Variants in F13A1 observed in about 807,000 individuals in gnomAD.
F13A1 encodes the protein FSF, A subunit.
F13A1 carries 47 observed loss-of-function variants against 80.1 expected under a neutral mutation model. The observed-to-expected ratio is 0.59, with a 90% confidence interval of 0.46 to 0.75. The LOEUF (loss-of-function observed/expected upper bound fraction) is 0.75. F13A1 is among the 30% of genes least tolerant of loss of function. The pLI, the probability that F13A1 is intolerant of heterozygous loss-of-function variation, is 0.00. For synonymous variants in F13A1, 349 were observed against 344.9 expected (o/e 1.01, Z -0.13); for missense variants, 817 against 930.4 (o/e 0.88, Z 1.59).
intron 10 of F13A1, among the ~76,000 whole-genome samples, chr6:6,186,769 T>A (rs1761087623): frequency 6.6e-6 from 1 of 151,988 alleles, no homozygotes; most frequent in African/African-American, 2.4e-5. Context: ...AGAAAGTCAC[T>A]GGTAGCTTGA....
chr6:6,282,807 T>G (rs1366388213), intron 3 of F13A1, among the ~76,000 whole-genome samples: 1 of 152,190 alleles, frequency 6.6e-6, no homozygotes, highest in Non-Finnish European at 1.5e-5. Context: ...CCCTTTGTCC[T>G]CATCTCAGGA....
chr6:6,314,478 A>G (rs912725142), intron 2 of F13A1, among the ~76,000 whole-genome samples: 2 of 151,908 alleles, frequency 1.3e-5, no homozygotes, highest in African/African-American at 4.8e-5. Context: ...TGTTCCCTCT[A>G]CTGCAAACAC....
chr6:6,285,426 G>T (rs1758124066), intron 3 of F13A1, among the ~76,000 whole-genome samples: 1 of 152,250 alleles, frequency 6.6e-6, no homozygotes, highest in African/African-American at 2.4e-5. Context: ...GGAAGTTGAA[G>T]AAGCCAAAGC....
chr6:6,147,507 T>C (rs1469107506), intron 14 of F13A1, among the ~76,000 whole-genome samples: 3 of 152,200 alleles, frequency 2.0e-5, no homozygotes, highest in South Asian at 4.1e-4. Flanking sequence ...CAGTGCTCAA[T>C]TCAATACCAA....
At chr6:6,293,601 A>G (rs561881635) in intron 3 of F13A1, among the ~76,000 whole-genome samples, 1 of 152,122 alleles carries the variant, frequency 6.6e-6, no homozygotes, top group African/African-American at 2.4e-5. Context: ...CCTGCAGCAC[A>G]GCTCATCAAG....
chr6:6,263,055 G>T (rs1216379411), intron 4 of F13A1, among the ~76,000 whole-genome samples: 2 of 152,198 alleles, frequency 1.3e-5, no homozygotes, highest in African/African-American at 2.4e-5. Context: ...CCAAGGCTGT[G>T]AACCACCGTC....
At chr6:6,211,850 G>C (rs1019966354) in intron 8 of F13A1, among the ~76,000 whole-genome samples, 4 of 152,228 alleles carry the variant, frequency 2.6e-5, no homozygotes, top group Non-Finnish European at 4.4e-5. Flanking sequence ...GCAGGGTGAG[G>C]CATTGCCTCA....
At chr6:6,242,063 T>C (rs1757490341) in intron 6 of F13A1, among the ~76,000 whole-genome samples, 1 of 151,900 alleles carries the variant, frequency 6.6e-6, no homozygotes, top group Non-Finnish European at 1.5e-5. Context: ...GAAAAAAATC[T>C]TTCTAAATAC....
At chr6:6,150,756 T>C (rs13194966) in intron 14 of F13A1, among the ~76,000 whole-genome samples, 32,369 of 152,096 alleles carry the variant, frequency 0.21, 3,555 homozygotes, top group Middle Eastern at 0.28. Flanking sequence ...AAGGACTTAT[T>C]TGTGGTAGAA....
At chr6:6,273,928 A>G (rs3851513) in intron 3 of F13A1, among the ~76,000 whole-genome samples, 27,927 of 152,230 alleles carry the variant, frequency 0.18, 2,609 homozygotes, top group Admixed American at 0.21. Flanking sequence ...TCAAAAAGGC[A>G]CAGAAATCAT....
intron 8 of F13A1, among the ~76,000 whole-genome samples, chr6:6,201,987 T>C (rs1378827229): frequency 6.6e-6 from 1 of 152,190 alleles, no homozygotes; most frequent in Non-Finnish European, 1.5e-5. Context: ...TAATTGTATA[T>C]ATTATAGGGT....
At chr6:6,247,108 C>T (rs916401272) in intron 6 of F13A1, among the ~76,000 whole-genome samples, 2 of 152,202 alleles carry the variant, frequency 1.3e-5, no homozygotes, top group Non-Finnish European at 2.9e-5. Context: ...ACTGCCTTTA[C>T]ATGTTGGTTT....
At chr6:6,186,911 T>G (rs1229108903) in intron 10 of F13A1, among the ~76,000 whole-genome samples, 1 of 142,824 alleles carries the variant, frequency 7.0e-6, no homozygotes, top group African/African-American at 2.7e-5. Flanking sequence ...GAGCAGTGGT[T>G]TGTAGTTCTC....
At chr6:6,149,801 C>T (rs1296119575) in intron 14 of F13A1, among the ~76,000 whole-genome samples, 1 of 152,176 alleles carries the variant, frequency 6.6e-6, no homozygotes, top group Non-Finnish European at 1.5e-5. Flanking sequence ...CCTAGACTTA[C>T]GTGTTGCAGT....
intron 4 of F13A1, among the ~76,000 whole-genome samples, chr6:6,263,101 T>C (rs1382618621): frequency 6.6e-6 from 1 of 152,202 alleles, no homozygotes; most frequent in Non-Finnish European, 1.5e-5. Context: ...TCCTGGTTCC[T>C]CTCCGTCACC....
At chr6:6,294,017 T>C (rs1758276224) in intron 3 of F13A1, among the ~76,000 whole-genome samples, 2 of 152,168 alleles carry the variant, frequency 1.3e-5, no homozygotes, top group South Asian at 4.1e-4. Flanking sequence ...AGTTATTTTT[T>C]CTGTATTTTA....
intron 4 of F13A1, among the ~76,000 whole-genome samples, chr6:6,261,507 T>A (rs1757781066): frequency 6.6e-6 from 1 of 152,252 alleles, no homozygotes; most frequent in African/African-American, 2.4e-5. Context: ...AGGAACTGGT[T>A]AGAAATGCAA....
intron 6 of F13A1, among the ~76,000 whole-genome samples, chr6:6,241,374 T>C (rs1757481531): frequency 1.3e-5 from 2 of 152,188 alleles, no homozygotes; most frequent in Non-Finnish European, 2.9e-5. Context: ...TTCAGTGTGG[T>C]CATACTCATT....
intron 3 of F13A1, 31 bp from the exon 4 acceptor site, chr6:6,266,840 G>T: frequency 6.2e-7 from 1 of 1,613,954 alleles, no homozygotes; most frequent in Non-Finnish European, 8.5e-7. Flanking sequence ...TACTCTGTTA[G>T]GTTGATTTCA....
Sources: allele counts gnomAD v4.1 joint callset (sites outside exome capture counted in the v4.1 genomes callset), GRCh38; gene constraint gnomAD v4.1.1; transcripts MANE v1.5; gene names NCBI Gene and HGNC (gene_info 2026-07-23, HGNC 2026-07-21).